Variants in TTC28 observed in about 807,000 individuals in gnomAD.
TTC28 encodes the protein tetratricopeptide repeat protein 28.
Under a neutral mutation model 198.0 loss-of-function variants are expected in TTC28, and 61 were observed. The ratio of observed to expected loss-of-function variants is 0.31; its 90% CI spans 0.25 to 0.38. The LOEUF (loss-of-function observed/expected upper bound fraction) is 0.38, where lower values mean the gene tolerates loss of function less well. Among genes scored for constraint, TTC28 ranks in the 10% least tolerant of loss-of-function variants. The pLI is 1.00. For synonymous variants in TTC28, 1,171 were observed against 1,297.8 expected, an observed-to-expected ratio of 0.90 and a Z score of 2.10; for missense variants, 2,678 against 3,164.0, an observed-to-expected ratio of 0.85 and a Z score of 3.69.
In TTC28 at chr22:28,493,895, G is replaced by A. The variant is rs572814707; in HGVS notation, c.381+135657C>T. On this transcript the variant is annotated intron_variant, in intron 2 of 22. Coordinates refer to ENST00000397906, the MANE Select transcript of TTC28 (RefSeq NM_001145418.2). The stretch of plus-strand genomic sequence containing the variant: ...GTCCTGTCTCTTCAACAAGTAATTT[G>A]CGAAGGGAAAGAGAGAAAGATATTA... 4.1e-4 allele frequency among the ~76,000 whole-genome samples: 62 copies of A among 152,290 alleles called. No homozygotes were observed. In the South Asian group the frequency reaches 0.012, roughly 30 times the overall value.
At chr22:28,377,379 CTT>C (rs879817495) in intron 2 of TTC28, among the ~76,000 whole-genome samples, 1 of 143,622 alleles carries the variant, frequency 7.0e-6, no homozygotes, top group South Asian at 2.2e-4. Context: ...CTTCTGGTGC[CTT>C]TTTTTTTTTA....
chr22:28,663,640 G>C (rs976215629), intron 1 of TTC28, among the ~76,000 whole-genome samples: 5 of 131,480 alleles, frequency 3.8e-5, no homozygotes, highest in Non-Finnish European at 6.5e-5. Context: ...TGGCTCAGAG[G>C]GTCCTACGCC....
intron 14 of TTC28, among the ~76,000 whole-genome samples, chr22:28,003,984 G>T (rs1433598358): frequency 6.6e-6 from 1 of 152,214 alleles, no homozygotes; most frequent in Non-Finnish European, 1.5e-5. Flanking sequence ...TATGGTCCTT[G>T]CTTGCAGACT....
rs532764224 is a variant in TTC28 at position 28,247,365 on chromosome 22, C to G, written c.933+48833G>C. On this transcript the variant is annotated intron_variant, in intron 5 of 22. Coordinates refer to ENST00000397906, the MANE Select transcript of TTC28 (RefSeq NM_001145418.2). ...TAAGGAATATAATGAGAATCATATG[C>G]GACTGCCTGAGTGAAGCTGAGAGTT... Among the ~76,000 whole-genome samples the G allele has an allele frequency of 9.9e-4, 151 of 152,270 alleles. 5 individuals carry two copies. The South Asian group carries it at 0.03, about 30-fold the overall frequency.
chr22:28,184,913 C>T (rs1052781269), intron 5 of TTC28, among the ~76,000 whole-genome samples: 4 of 152,046 alleles, frequency 2.6e-5, no homozygotes, highest in Admixed American at 1.3e-4. Context: ...ACAGATGAGA[C>T]GGGAGCTTCC....
chr22:27,999,556 G>T, intron 15 of TTC28: 1 of 385,872 alleles, frequency 2.6e-6, no homozygotes, highest in Non-Finnish European at 4.7e-6. Flanking sequence ...AGAGGCCGTG[G>T]AACCCAGGAC....
chr22:28,475,793 C>T (rs533535393), intron 2 of TTC28, among the ~76,000 whole-genome samples: 13 of 152,260 alleles, frequency 8.5e-5, no homozygotes, highest in Middle Eastern at 3.4e-3. Context: ...TGGACCTACA[C>T]GCTGAAGTAT....
intron 2 of TTC28, among the ~76,000 whole-genome samples, chr22:28,345,755 C>A (rs1033476427): frequency 1.3e-5 from 2 of 152,036 alleles, no homozygotes; most frequent in Admixed American, 1.3e-4. Flanking sequence ...TTTACGAAAA[C>A]AACAAAGAAT....
intron 12 of TTC28, among the ~76,000 whole-genome samples, chr22:28,031,174 C>T (rs1184298435): frequency 3.3e-5 from 5 of 152,206 alleles, no homozygotes; most frequent in Non-Finnish European, 7.3e-5. Context: ...TGATGACACA[C>T]GGACAGCCAG....
At chr22:28,380,836 T>A (rs942802797) in intron 2 of TTC28, among the ~76,000 whole-genome samples, 2 of 152,148 alleles carry the variant, frequency 1.3e-5, no homozygotes, top group Non-Finnish European at 2.9e-5. Flanking sequence ...ATTATCACTA[T>A]TTTTACAGAT....
At chr22:28,660,779 T>C (rs1480373826) in intron 1 of TTC28, among the ~76,000 whole-genome samples, 2 of 149,442 alleles carry the variant, frequency 1.3e-5, no homozygotes, top group Non-Finnish European at 3.0e-5. Context: ...CCACGTTGGC[T>C]TCCCAAAGTG....
Position 28,572,803 on chromosome 22 carries a change from C to T in TTC28, c.381+56749G>A, listed in dbSNP as rs148576820. Among the ~76,000 whole-genome samples, 94 of 152,196 alleles carry T rather than the reference C, an allele frequency of 6.2e-4. No homozygotes were observed. In the East Asian group the frequency reaches 7.0e-3, roughly 11 times the overall value. On this transcript the variant is annotated intron_variant, in intron 2 of 22. Coordinates refer to ENST00000397906, the MANE Select transcript of TTC28 (RefSeq NM_001145418.2). ...ACAAAACTGTCCACTTGGTGATTAA[C>T]GTTTAAAGCTATGCCTATAAGTTTT...
At chr22:28,576,659 G>A (rs762620958) in intron 2 of TTC28, among the ~76,000 whole-genome samples, 7 of 152,016 alleles carry the variant, frequency 4.6e-5, no homozygotes, top group African/African-American at 1.7e-4. Context: ...CTTCAATCTT[G>A]TTCCTTGTTA....
intron 5 of TTC28, among the ~76,000 whole-genome samples, chr22:28,273,846 G>C (rs2145714707): frequency 6.6e-6 from 1 of 152,050 alleles, no homozygotes; most frequent in African/African-American, 2.4e-5. Flanking sequence ...CAAGAATAGA[G>C]GGAAAAAGAT....
At chr22:28,421,763 C>T (rs928639589) in intron 2 of TTC28, among the ~76,000 whole-genome samples, 6 of 151,778 alleles carry the variant, frequency 4.0e-5, no homozygotes, top group South Asian at 2.1e-4. Flanking sequence ...CTGGCTAACA[C>T]GGTGAAACTA....
chr22:28,211,475 T>C lies in TTC28; in HGVS notation c.934-47876A>G, dbSNP rs960285154. Among the ~76,000 whole-genome samples the C allele has an allele frequency of 3.9e-5, 6 of 152,032 alleles. No individual in the cohort carries two copies. The East Asian group carries it at 9.7e-4, about 24-fold the overall frequency. On this transcript the variant is annotated intron_variant, in intron 5 of 22. Transcript: ENST00000397906. ...AATGGAAAACAAAAAAAGCAGAGGT[T>C]ACAATCCTAGTCTCTGATAAAACAG...
chr22:27,988,180 C>T (rs558034565), intron 21 of TTC28, among the ~76,000 whole-genome samples: 2 of 152,150 alleles, frequency 1.3e-5, no homozygotes, highest in South Asian at 2.1e-4. Context: ...CAATACACGA[C>T]GTGTCTGAAA....
chr22:28,491,018 G>A (rs2048369116), intron 2 of TTC28, among the ~76,000 whole-genome samples: 1 of 152,106 alleles, frequency 6.6e-6, no homozygotes, highest in Admixed American at 6.6e-5. Flanking sequence ...GTTTATTTGA[G>A]AAGTTTTTTG....
chr22:28,381,470 T>C (rs1009917860), intron 2 of TTC28, among the ~76,000 whole-genome samples: 6 of 152,152 alleles, frequency 3.9e-5, no homozygotes, highest in African/African-American at 1.4e-4. Flanking sequence ...GGAGCTTCCC[T>C]ATTAGTAGAT....
Sources: allele counts gnomAD v4.1 joint callset (sites outside exome capture counted in the v4.1 genomes callset), GRCh38; gene constraint gnomAD v4.1.1; transcripts MANE v1.5; gene names NCBI Gene and HGNC (gene_info 2026-07-23, HGNC 2026-07-21).